Variants in GRM8 observed in about 807,000 individuals in gnomAD.
The protein encoded by GRM8 is metabotropic glutamate receptor 8.
In GRM8, 47 loss-of-function variants were observed where a neutral mutation model predicts 87.2. The observed-to-expected ratio is 0.54, with a 90% confidence interval of 0.43 to 0.69. The LOEUF (loss-of-function observed/expected upper bound fraction) is 0.69. Ranked by LOEUF, GRM8 falls within the 30% of genes least tolerant of loss-of-function variation. GRM8 has a pLI of 0.00. For missense variants in GRM8, 1,019 were observed against 1,139.2 expected, an observed-to-expected ratio of 0.89 and a Z score of 1.52; for synonymous variants, 396 against 404.5, an observed-to-expected ratio of 0.98 and a Z score of 0.25.
chr7:126,580,331 AC>A (rs1340091932), intron 8 of GRM8, among the ~76,000 whole-genome samples: 1 of 151,580 alleles, frequency 6.6e-6, no homozygotes, highest in Non-Finnish European at 1.5e-5. Flanking sequence ...AAATTCCAAG[AC>A]TCCCTCTTTT....
At chr7:126,686,386 G>C (rs1808194665) in intron 7 of GRM8, among the ~76,000 whole-genome samples, 2 of 152,156 alleles carry the variant, frequency 1.3e-5, no homozygotes, top group Admixed American at 6.5e-5. Context: ...GCCACGTTGT[G>C]GGTGAAGAGA....
chr7:126,869,088 A>G (rs1563265602), intron 6 of GRM8: 1 of 152,214 alleles, frequency 6.6e-6, no homozygotes, highest in Non-Finnish European at 1.5e-5. Flanking sequence ...AACAATGTTC[A>G]TAGCATCTTC....
chr7:126,553,603 A>C (rs999508447), intron 8 of GRM8, among the ~76,000 whole-genome samples: 7 of 152,158 alleles, frequency 4.6e-5, no homozygotes, highest in African/African-American at 1.7e-4. Flanking sequence ...AATGCATAAC[A>C]TGAACCCTCT....
intron 7 of GRM8, among the ~76,000 whole-genome samples, chr7:126,722,498 A>G (rs1324125799): frequency 6.6e-6 from 1 of 152,112 alleles, no homozygotes; most frequent in Non-Finnish European, 1.5e-5. Context: ...CCTTCATGGG[A>G]CTATGAAGAT....
chr7:126,733,575 A>T (rs1585710052), intron 7 of GRM8, among the ~76,000 whole-genome samples: 1 of 151,782 alleles, frequency 6.6e-6, no homozygotes, highest in East Asian at 1.9e-4. Flanking sequence ...ATATTATATT[A>T]AAAACAATAT....
intron 2 of GRM8, among the ~76,000 whole-genome samples, chr7:127,153,298 G>T (rs1792520444): frequency 6.6e-6 from 1 of 152,002 alleles, no homozygotes; most frequent in African/African-American, 2.4e-5. Context: ...GTCCAATCCT[G>T]GTGTCCCTGG....
At chr7:126,508,393 A>G (rs1249675606) in intron 9 of GRM8, among the ~76,000 whole-genome samples, 1 of 151,968 alleles carries the variant, frequency 6.6e-6, no homozygotes. Context: ...GACAAAAGAG[A>G]GAGCCCATTC....
At chr7:126,477,400 A>C (rs577599001) in intron 9 of GRM8, among the ~76,000 whole-genome samples, 3 of 152,204 alleles carry the variant, frequency 2.0e-5, no homozygotes, top group Admixed American at 6.6e-5. Context: ...ACAGACACAA[A>C]GATAACTATG....
chr7:126,869,932 TTAAAAAAAA>T (rs1208311009), intron 6 of GRM8: 1,326 of 65,978 alleles, frequency 0.02, 29 homozygotes, highest in African/African-American at 0.1. Context: ...TCCTCATAGA[TTAAAAAAAA>T]AAAAAAAAAA....
intron 2 of GRM8, among the ~76,000 whole-genome samples, chr7:127,163,823 AT>A (rs1235311359): frequency 2.0e-5 from 3 of 152,102 alleles, no homozygotes; most frequent in African/African-American, 4.8e-5. Context: ...TCATAAAGAA[AT>A]TTTTTAATGA....
chr7:127,208,111 T>C (rs1019979802), intron 2 of GRM8, among the ~76,000 whole-genome samples: 5 of 152,162 alleles, frequency 3.3e-5, no homozygotes, highest in African/African-American at 1.2e-4. Flanking sequence ...CCATGGACCA[T>C]GGACTGATCT....
chr7:126,601,123 T>C (rs1797709889), intron 8 of GRM8, among the ~76,000 whole-genome samples: 1 of 137,040 alleles, frequency 7.3e-6, no homozygotes, highest in South Asian at 2.3e-4. Flanking sequence ...GATATTCCCC[T>C]TCCTGTGTCC....
At chr7:126,983,131 C>T (rs930368896) in intron 3 of GRM8, among the ~76,000 whole-genome samples, 6 of 151,992 alleles carry the variant, frequency 3.9e-5, no homozygotes, top group African/African-American at 1.4e-4. Context: ...TCTTAACTTC[C>T]AGTTCAAAGG....
At chr7:126,925,757 C>T (rs1030744006) in intron 3 of GRM8, among the ~76,000 whole-genome samples, 2 of 152,140 alleles carry the variant, frequency 1.3e-5, no homozygotes, top group East Asian at 3.9e-4. Context: ...ACAGTCATTC[C>T]TTGTATAGTC....
At chr7:127,088,137 A>G (rs1338064896) in intron 3 of GRM8, among the ~76,000 whole-genome samples, 1 of 152,254 alleles carries the variant, frequency 6.6e-6, no homozygotes, top group Non-Finnish European at 1.5e-5. Context: ...CCATCCAATT[A>G]GCTAGTGGTC....
intron 7 of GRM8, among the ~76,000 whole-genome samples, chr7:126,645,299 A>G (rs2151219196): frequency 6.6e-6 from 1 of 152,336 alleles, no homozygotes; most frequent in Non-Finnish European, 1.5e-5. Context: ...AGATAACATC[A>G]TTATTGTAGA....
intron 3 of GRM8, among the ~76,000 whole-genome samples, chr7:127,014,980 G>C (rs1397142479): frequency 8.1e-6 from 1 of 123,926 alleles, no homozygotes; most frequent in Non-Finnish European, 1.7e-5. Context: ...GAAGAAGAAG[G>C]AGAAGAGGAA....
intron 6 of GRM8, among the ~76,000 whole-genome samples, chr7:126,819,159 A>C (rs1794062961): frequency 6.6e-6 from 1 of 152,120 alleles, no homozygotes; most frequent in African/African-American, 2.4e-5. Flanking sequence ...TGGATGGCAA[A>C]CAAGCAAGAG....
At chr7:126,454,562 T>A (rs1803013608) in intron 9 of GRM8, among the ~76,000 whole-genome samples, 1 of 151,572 alleles carries the variant, frequency 6.6e-6, no homozygotes, top group Admixed American at 6.6e-5. Context: ...AAAATGGTGT[T>A]ATGGGCTGAA....
Sources: allele counts gnomAD v4.1 joint callset (sites outside exome capture counted in the v4.1 genomes callset), GRCh38; gene constraint gnomAD v4.1.1; transcripts MANE v1.5; gene names NCBI Gene and HGNC (gene_info 2026-07-23, HGNC 2026-07-21).